PHF14: variants seen among roughly 807,000 people sequenced by gnomAD.
PHF14 encodes the protein PHD finger protein 14.
A neutral mutation model predicts 117.9 loss-of-function variants in PHF14; 55 were observed. The ratio of observed to expected loss-of-function variants is 0.47; its 90% confidence interval spans 0.38 to 0.58. PHF14 has a LOEUF of 0.58. Ranked by LOEUF, PHF14 falls within the 20% of genes least tolerant of loss-of-function variation. The probability of loss-of-function intolerance (pLI) is 0.00; values close to 1 mark genes in which losing one functional copy is unlikely to be tolerated. For missense variants in PHF14, 978 were observed against 1,122.2 expected, an observed-to-expected ratio of 0.87 and a Z score of 1.84; for synonymous variants, 409 against 368.6, an observed-to-expected ratio of 1.11 and a Z score of -1.26.
chr7:11,065,710 A>T (rs1181152677), intron 16 of PHF14, among the ~76,000 whole-genome samples: 1 of 152,176 alleles, frequency 6.6e-6, no homozygotes, highest in Non-Finnish European at 1.5e-5. Context: ...GCCTATATGA[A>T]AAGGAAGTGG....
At chr7:11,051,529 C>A in intron 13 of PHF14, 83 bp from the exon 14 acceptor site, 2 of 1,099,684 alleles carry the variant, frequency 1.8e-6, no homozygotes, top group Non-Finnish European at 2.6e-6. Context: ...TCTTATATAC[C>A]TGGATTTTGT....
chr7:11,067,359 A>G (rs182986867), intron 16 of PHF14, among the ~76,000 whole-genome samples: 15 of 152,286 alleles, frequency 9.8e-5, no homozygotes, highest in South Asian at 2.1e-4. Flanking sequence ...TTCTTGTACA[A>G]TTGCCCTTGG....
At chr7:11,000,481 A>G (rs1303892939) in intron 4 of PHF14, among the ~76,000 whole-genome samples, 1 of 151,696 alleles carries the variant, frequency 6.6e-6, no homozygotes, top group Non-Finnish European at 1.5e-5. Flanking sequence ...CTGGGATTAC[A>G]GGCACACACC....
intron 14 of PHF14, among the ~76,000 whole-genome samples, chr7:11,052,458 A>G (rs946324390): frequency 2.4e-4 from 37 of 152,150 alleles, no homozygotes; most frequent in Non-Finnish European, 8.8e-5. Flanking sequence ...ATTCCTATAA[A>G]TATCTCCTGC....
rs1784541054 is a variant in PHF14 at position 11,042,821 on chromosome 7, A to G, written c.2312+7A>G. 1 of 1,548,852 alleles carries G rather than the reference A, an allele frequency of 6.5e-7. No individual in the cohort carries two copies. Among genetic ancestry groups the G allele is most frequent in the African/African-American group, 1.4e-5 (1 of 73,798 alleles). On this transcript the variant is annotated splice_region_variant and intron_variant, in intron 13 of 17. Coordinates refer to ENST00000634607, the MANE Select transcript of PHF14 (RefSeq NM_001007157.2). The stretch of plus-strand genomic sequence containing the variant: ...AGACCAAAAACAGTTATTGGTGAGT[A>G]AAATAGAGGAGATTTAGATGTTTGA...
At chr7:11,097,179 A>G (rs1046965426) in intron 16 of PHF14, among the ~76,000 whole-genome samples, 3 of 151,814 alleles carry the variant, frequency 2.0e-5, no homozygotes, top group Non-Finnish European at 2.9e-5. Flanking sequence ...GGGTTTCACC[A>G]TGTTGGTCCG....
intron 17 of PHF14, among the ~76,000 whole-genome samples, chr7:11,116,816 T>C (rs1364423872): frequency 6.6e-6 from 1 of 151,940 alleles, no homozygotes; most frequent in Non-Finnish European, 1.5e-5. Flanking sequence ...TTTTACAAAG[T>C]TTTGAAGCTA....
chr7:11,098,508 C>T (rs1243525047), intron 16 of PHF14, among the ~76,000 whole-genome samples: 6 of 152,098 alleles, frequency 3.9e-5, no homozygotes, highest in Non-Finnish European at 8.8e-5. Flanking sequence ...TTCTACAGCT[C>T]TACTATGTCT....
chr7:11,000,334 C>CTT (rs71023882), intron 4 of PHF14, among the ~76,000 whole-genome samples: 292 of 60,356 alleles, frequency 4.8e-3, no homozygotes, highest in East Asian at 0.01. Flanking sequence ...GCTTATTTGC[C>CTT]TTTTTTTTTT....
At chr7:11,122,342 TATATATATATAC>T (rs753938130) in intron 17 of PHF14, among the ~76,000 whole-genome samples, 8,920 of 88,866 alleles carry the variant, frequency 0.1, 549 homozygotes, top group African/African-American at 0.17. Context: ...TATATATATA[TATATATATATAC>T]ACACACACAC....
intron 11 of PHF14, 65 bp downstream of exon 11, chr7:11,038,920 A>AT: frequency 4.4e-6 from 3 of 681,886 alleles, no homozygotes; most frequent in Non-Finnish European, 7.4e-6. Flanking sequence ...CAAAGAACAG[A>AT]TTTTTGATAC....
At chr7:11,134,427 G>A (rs1461318977) in intron 17 of PHF14, among the ~76,000 whole-genome samples, 1 of 151,988 alleles carries the variant, frequency 6.6e-6, no homozygotes, top group African/African-American at 2.4e-5. Context: ...ATTTCATGGA[G>A]TAAAGCATGC....
chr7:11,137,058 G>A (rs188207058), intron 17 of PHF14, among the ~76,000 whole-genome samples: 34 of 152,300 alleles, frequency 2.2e-4, no homozygotes, highest in Non-Finnish European at 4.3e-4. Flanking sequence ...GGGCAAAAAT[G>A]CAAAATTAAA....
chr7:11,040,150 T>G (rs1390346215), intron 11 of PHF14, among the ~76,000 whole-genome samples: 4 of 152,136 alleles, frequency 2.6e-5, no homozygotes, highest in African/African-American at 7.2e-5. Context: ...TGAACAGATG[T>G]GGGCCCACCA....
intron 16 of PHF14, among the ~76,000 whole-genome samples, chr7:11,069,564 A>G (rs1785538186): frequency 1.3e-5 from 2 of 151,372 alleles, no homozygotes; most frequent in South Asian, 4.2e-4. Context: ...ATTTGCTAAT[A>G]TTTTGATAAG....
chr7:11,126,343 A>G (rs1261867957), intron 17 of PHF14, among the ~76,000 whole-genome samples: 1 of 152,108 alleles, frequency 6.6e-6, no homozygotes, highest in African/African-American at 2.4e-5. Flanking sequence ...TGAATGAAGT[A>G]CATATTTTTA....
In PHF14 at chr7:10,990,707, C is replaced by T. The variant is rs1252643245; in HGVS notation, c.905C>T (p.Ser302Leu). 1.6e-5 allele frequency: 25 copies of T among 1,520,990 alleles called. No homozygotes were observed. Among genetic ancestry groups the T allele is most frequent in the East Asian group, 2.4e-5 (1 of 41,114 alleles). The allele number at this position is 1,520,990 out of a possible 1,614,324, so 94.2% of individuals were successfully genotyped here. ...ATGTTAATATTTTAATATTAGGACTCGCTGATTCTTGAGAAGAGTCAAAAC... is the reference window on the plus strand; with the variant it reads ...ATGTTAATATTTTAATATTAGGACTTGCTGATTCTTGAGAAGAGTCAAAAC... ...TLSQSKSNED[S>L]LILEKSQNWS... Residue 302 changes from serine to leucine, a missense_variant, in exon 4 of 18, where the codon TCG becomes TTG. Coordinates refer to ENST00000634607, the MANE Select transcript of PHF14 (RefSeq NM_001007157.2).
intron 16 of PHF14, among the ~76,000 whole-genome samples, chr7:11,066,306 C>T (rs1360181907): frequency 6.6e-6 from 1 of 152,158 alleles, no homozygotes; most frequent in Non-Finnish European, 1.5e-5. Context: ...GTCACTCAGG[C>T]TAGAGTGCAG....
chr7:11,065,704 A>G (rs1439883585), intron 16 of PHF14, among the ~76,000 whole-genome samples: 5 of 152,286 alleles, frequency 3.3e-5, no homozygotes, highest in Admixed American at 1.3e-4. Flanking sequence ...CCTTGAGCCT[A>G]TATGAAAAGG....
Sources: allele counts gnomAD v4.1 joint callset (sites outside exome capture counted in the v4.1 genomes callset), GRCh38; gene constraint gnomAD v4.1.1; transcripts MANE v1.5; gene names NCBI Gene and HGNC (gene_info 2026-07-23, HGNC 2026-07-21).